Variants in MAGEA1 observed in about 807,000 individuals in gnomAD.
MAGEA1 encodes melanoma-associated antigen 1.
For synonymous variants in MAGEA1, 101 were observed against 96.7 expected (o/e 1.04, Z -0.26); for missense variants, 182 against 233.7 (o/e 0.78, Z 1.44).
chrX:153,182,556 A>G lies in MAGEA1; in HGVS notation c.167A>G (p.Gln56Arg), dbSNP rs1170562291. The G allele has an allele frequency of 8.3e-7, 1 of 1,209,606 alleles. No homozygotes were observed. Among genetic ancestry groups the G allele is most frequent in the Non-Finnish European group, 1.1e-6 (1 of 895,044 alleles). ...ACTGCTGGGTCAACAGATCCTCCCCAGAGTCCTCAGGGAGCCTCCGCCTTT... is the reference window on the plus strand; with the variant it reads ...ACTGCTGGGTCAACAGATCCTCCCCGGAGTCCTCAGGGAGCCTCCGCCTTT... ...VPTAGSTDPP[Q>R]SPQGASAFPT... Residue 56 changes from glutamine (Q) to arginine (R), a missense_variant, in exon 3 of 3, where the codon CAG (glutamine) becomes CGG (arginine). Coordinates refer to ENST00000356661, the MANE Select transcript of MAGEA1 (RefSeq NM_004988.5).
At position 153,182,893 on chromosome X, in the gene MAGEA1, C is replaced by T. The variant is rs2187645; in HGVS notation, c.504C>T (p.Ser168=). The T allele has an allele frequency of 3.3e-6, 4 of 1,210,431 alleles. No individual in the cohort carries two copies. The Admixed American group carries it at 8.7e-5, about 26-fold the overall frequency. Residue 168 remains serine (S), a synonymous_variant, in exon 3 of 3, where the codon TCC becomes TCT. Transcript: ENST00000356661. ...DVKEADPTGH[S]YVLVTCLGLS... is the part of the protein sequence containing the mutation. ...AGGAAGCAGACCCCACCGGCCACTC[C>T]TATGTCCTTGTCACCTGCCTAGGTC...
In MAGEA1 at chrX:153,183,501, C is replaced by G. The variant is rs782609628; in HGVS notation, c.*182C>G. ...GGTGACTTGGAGATTTATCTTTGTT[C>G]TCTTTTGGAATTGTTCAAATGTTTT... On this transcript the variant is annotated 3_prime_UTR_variant, in exon 3 of 3. Coordinates refer to ENST00000356661, the MANE Select transcript of MAGEA1 (RefSeq NM_004988.5). 1.3e-5 allele frequency: 6 copies of G among 472,228 alleles called. No individual in the cohort carries two copies. Among genetic ancestry groups the G allele is most frequent in the African/African-American group, 2.4e-5 (1 of 41,035 alleles). The allele number at this position is 472,228 out of a possible 1,213,427, so 38.9% of individuals were successfully genotyped here. A position where few individuals can be genotyped will look rare whatever the true frequency, so the allele number is the denominator to read the frequency against.
In MAGEA1 at chrX:153,183,080, G is replaced by A. The variant is rs1263687818; in HGVS notation, c.691G>A (p.Ala231Thr). The A allele has an allele frequency of 3.2e-5, 39 of 1,210,366 alleles. No homozygotes were observed. The East Asian group carries it at 7.4e-4, about 23-fold the overall frequency. ...GGTGTATGATGGGAGGGAGCACAGT[G>A]CCTATGGGGAGCCCAGGAAGCTGCT... ...MEVYDGREHS[A>T]YGEPRKLLTQ... Residue 231 changes from alanine to threonine, a missense_variant, in exon 3 of 3, where the codon GCC becomes ACC. Coordinates refer to ENST00000356661, the MANE Select transcript of MAGEA1 (RefSeq NM_004988.5).
rs184861336 is a variant in MAGEA1, at chrX:153,179,763, A to G, written c.-139+398A>G. ...ATCCCTACTCCTACTCCGTCACCTGACCACCACCCTCCAGCCCCAGCACCA... is the reference window on the plus strand; with the variant it reads ...ATCCCTACTCCTACTCCGTCACCTGGCCACCACCCTCCAGCCCCAGCACCA... On this transcript the variant is annotated intron_variant, in intron 1 of 2. Transcript: ENST00000356661. Among the ~76,000 whole-genome samples, 580 of 98,557 alleles carry G rather than the reference A, an allele frequency of 5.9e-3. 6 individuals carry two copies. Among genetic ancestry groups the G allele is most frequent in the African/African-American group, 0.021 (550 of 26,327 alleles). The allele number at this position is 98,557 out of a possible 115,157, so 85.6% of individuals were successfully genotyped here. A position where few individuals can be genotyped will look rare whatever the true frequency, so the allele number is the denominator to read the frequency against.
At chrX:153,181,525 T>C (rs1027440620) in intron 1 of MAGEA1, among the ~76,000 whole-genome samples, 1 of 111,179 alleles carries the variant, frequency 9.0e-6, no homozygotes, top group African/African-American at 3.3e-5. Context: ...GAGGCCTTGG[T>C]CTGAGAAGGC....
In MAGEA1 at chrX:153,182,654, A is replaced by C; in HGVS notation, c.265A>C (p.Ser89Arg). Residue 89 changes from serine (S) to arginine (R), a missense_variant, in exon 3 of 3, where the codon AGC becomes CGC. By Grantham distance (110) the Ser-to-Arg change is moderately radical (BLOSUM62 -1). Transcript: ENST00000356661. ...GSSSREEEGP[S>R]TSCILESLFR... ...CAGCAGCCGTGAAGAGGAGGGGCCA[A>C]GCACCTCTTGTATCCTGGAGTCCTT... is the stretch of plus-strand genomic sequence containing the variant. The C allele has an allele frequency of 3.3e-6, 4 of 1,211,960 alleles. No homozygotes were observed. The highest frequency in any genetic ancestry group is 4.5e-6 in the Non-Finnish European group (4 of 895,469).
At chrX:153,180,667 G>C (rs3788747) in intron 1 of MAGEA1, among the ~76,000 whole-genome samples, 1 of 111,064 alleles carries the variant, frequency 9.0e-6, no homozygotes, top group Non-Finnish European at 1.9e-5. Flanking sequence ...AGATTAGCAT[G>C]GGGGTGGGAC....
Position 153,183,600 on chromosome X carries a change from T to C in MAGEA1, c.*281T>C, listed in dbSNP as rs2051508179. On this transcript the variant is annotated 3_prime_UTR_variant, in exon 3 of 3. Coordinates refer to ENST00000356661, the MANE Select transcript of MAGEA1 (RefSeq NM_004988.5). ...CAGCAGTCACACAGTTCTGTGTATA[T>C]AGTTTAAGGGTAAGAGTCTTGTGTT... 5 of 339,427 alleles carry C rather than the reference T, an allele frequency of 1.5e-5. No individual in the cohort carries two copies. In the South Asian group the frequency reaches 2.1e-4, roughly 14 times the overall value. The allele number at this position is 339,427 out of a possible 1,213,427, so 28.0% of individuals were successfully genotyped here. A position where few individuals can be genotyped will look rare whatever the true frequency, so the allele number is the denominator to read the frequency against.
At chrX:153,181,045 G>T (rs1207316577) in intron 1 of MAGEA1, among the ~76,000 whole-genome samples, 1 of 108,048 alleles carries the variant, frequency 9.3e-6, no homozygotes, top group Admixed American at 1.0e-4. Flanking sequence ...CAGGAAGTTG[G>T]GGGGCCCTCA....
chrX:153,182,349 T>G lies in MAGEA1; in HGVS notation c.-41T>G, dbSNP rs1461309946. The G allele has an allele frequency of 3.5e-6, 4 of 1,149,567 alleles. No homozygotes were observed. Among genetic ancestry groups the G allele is most frequent in the Non-Finnish European group, 4.8e-6 (4 of 840,460 alleles). The allele number at this position is 1,149,567 out of a possible 1,213,427, so 94.7% of individuals were successfully genotyped here. A position where few individuals can be genotyped will look rare whatever the true frequency, so the allele number is the denominator to read the frequency against. On this transcript the variant is annotated 5_prime_UTR_variant, in exon 3 of 3. Transcript: ENST00000356661. ...GGCCTGTGGGTCTTCATTGCCCAGC[T>G]CCTGCCCACACTCCTGCCTGCTGCC...
rs782305075 is a variant in MAGEA1, at chrX:153,179,890, G to A, written c.-139+525G>A. Among the ~76,000 whole-genome samples, 7 of 109,915 alleles carry A rather than the reference G, an allele frequency of 6.4e-5. No individual in the cohort carries two copies. In the East Asian group the frequency reaches 2.0e-3, roughly 32 times the overall value. On this transcript the variant is annotated intron_variant, in intron 1 of 2. Coordinates refer to ENST00000356661, the MANE Select transcript of MAGEA1 (RefSeq NM_004988.5). The stretch of plus-strand genomic sequence containing the variant: ...GCCTCCCCCATTCTGGCAGAATCCG[G>A]TTTGCCCCTGCTCTCAACCCAGGGA...
chrX:153,180,552 C>T (rs1215420176), intron 1 of MAGEA1, among the ~76,000 whole-genome samples: 4 of 111,195 alleles, frequency 3.6e-5, no homozygotes, highest in Admixed American at 9.5e-5. Context: ...GGCCCTACTG[C>T]GAGATGAGGG....
At chrX:153,181,353 G>A (rs185679139) in intron 1 of MAGEA1, among the ~76,000 whole-genome samples, 18 of 111,376 alleles carry the variant, frequency 1.6e-4, no homozygotes, top group East Asian at 1.1e-3. Context: ...CCATGCGTTC[G>A]GGTGAGGAAC....
Position 153,182,554 on chromosome X carries a change from C to T in MAGEA1, c.165C>T (p.Pro55=). ...CCACTGCTGGGTCAACAGATCCTCC[C>T]CAGAGTCCTCAGGGAGCCTCCGCCT... The part of the protein sequence containing the change: ...EVPTAGSTDP[P]QSPQGASAFP... Residue 55 remains proline (P), a synonymous_variant, in exon 3 of 3, where the codon CCC becomes CCT. Transcript: ENST00000356661. 8.3e-7 allele frequency: 1 copy of T among 1,211,694 alleles called. No individual in the cohort carries two copies. Among genetic ancestry groups the T allele is most frequent in the Non-Finnish European group, 1.1e-6 (1 of 895,477 alleles).
chrX:153,182,920 C>G lies in MAGEA1; in HGVS notation c.531C>G (p.Leu177=). 1.7e-6 allele frequency: 2 copies of G among 1,211,958 alleles called. No individual in the cohort carries two copies. ...HSYVLVTCLG[L]SYDGLLGDNQ... ...ATGTCCTTGTCACCTGCCTAGGTCT[C>G]TCCTATGATGGCCTGCTGGGTGATA... The change falls in exon 3 of 3, where the codon CTC becomes CTG. Residue 177 remains leucine, a synonymous_variant. Transcript: ENST00000356661.
chrX:153,180,991 A>G (rs2051489869), intron 1 of MAGEA1, among the ~76,000 whole-genome samples: 1 of 110,406 alleles, frequency 9.1e-6, no homozygotes, highest in Admixed American at 9.6e-5. Flanking sequence ...TAGGGGGACC[A>G]GATCAGGGAT....
Position 153,182,696 on chromosome X carries a change from A to G in MAGEA1, c.307A>G (p.Thr103Ala). 8.2e-7 allele frequency: 1 copy of G among 1,212,136 alleles called. No homozygotes were observed. Among genetic ancestry groups the G allele is most frequent in the Non-Finnish European group, 1.1e-6 (1 of 895,604 alleles). Residue 103 changes from threonine (T) to alanine (A), a missense_variant, in exon 3 of 3, where the codon ACT (threonine) becomes GCT (alanine). Physicochemically the swap from Thr to Ala is moderately conservative, Grantham distance 58. Coordinates refer to ENST00000356661, the MANE Select transcript of MAGEA1 (RefSeq NM_004988.5). ...GGAGTCCTTGTTCCGAGCAGTAATC[A>G]CTAAGAAGGTGGCTGATTTGGTTGG... ...ILESLFRAVI[T>A]KKVADLVGFL... is the part of the protein sequence containing the mutation.
intron 1 of MAGEA1, among the ~76,000 whole-genome samples, chrX:153,180,776 C>T (rs948422260): frequency 6.4e-5 from 7 of 110,069 alleles, no homozygotes; most frequent in East Asian, 2.9e-4. Flanking sequence ...GTCCAGGGCA[C>T]GGTGGCCACA....
intron 1 of MAGEA1, among the ~76,000 whole-genome samples, chrX:153,181,055 A>T (rs2051490075): frequency 9.7e-6 from 1 of 103,310 alleles, no homozygotes; most frequent in African/African-American, 3.5e-5. Flanking sequence ...GGGGGCCCTC[A>T]GGGAGATGGG....
Sources: allele counts gnomAD v4.1 joint callset (sites outside exome capture counted in the v4.1 genomes callset), GRCh38; gene constraint gnomAD v4.1.1; transcripts MANE v1.5; gene names NCBI Gene and HGNC (gene_info 2026-07-23, HGNC 2026-07-21).